Variants in CACNA2D3 observed in about 807,000 individuals in gnomAD.
The protein encoded by CACNA2D3 is voltage-dependent calcium channel subunit alpha-2/delta-3.
In CACNA2D3, 60 loss-of-function variants were observed where a neutral mutation model predicts 160.6. The ratio of observed to expected loss-of-function variants is 0.37; its 90% CI spans 0.30 to 0.46. The LOEUF (loss-of-function observed/expected upper bound fraction) is 0.46, where lower values mean the gene tolerates loss of function less well. Ranked by LOEUF, CACNA2D3 falls within the 20% of genes least tolerant of loss-of-function variation. The pLI is 1.00. For missense variants in CACNA2D3, 1,205 were observed against 1,365.0 expected (o/e 0.88, Z 1.85); for synonymous variants, 558 against 492.9 (o/e 1.13, Z -1.75).
chr3:54,805,754 GA>G (rs1212733001), intron 13 of CACNA2D3, among the ~76,000 whole-genome samples: 1 of 152,134 alleles, frequency 6.6e-6, no homozygotes, highest in Non-Finnish European at 1.5e-5. Flanking sequence ...AACCAAAAAA[GA>G]GAATTTTAGA....
intron 2 of CACNA2D3, among the ~76,000 whole-genome samples, chr3:54,294,937 A>T (rs59804205): frequency 0.22 from 33,376 of 150,014 alleles, 3,839 homozygotes; most frequent in South Asian, 0.34. Context: ...GAGTGAAGCT[A>T]CACCAGATCA....
At chr3:54,869,143 A>G (rs368461907) in intron 17 of CACNA2D3, among the ~76,000 whole-genome samples, 3 of 152,180 alleles carry the variant, frequency 2.0e-5, no homozygotes, top group East Asian at 1.9e-4. Flanking sequence ...ACGAAGGAAC[A>G]TTTGTTGCTC....
rs10591706 is a variant in CACNA2D3 at position 54,330,210 on chromosome 3, A to ATGTG, written c.321+9688_321+9691dup. On this transcript the variant is annotated intron_variant, in intron 3 of 37. Coordinates refer to ENST00000474759, the MANE Select transcript of CACNA2D3 (RefSeq NM_018398.3). The stretch of plus-strand genomic sequence containing the variant: ...TGTTCTTGTATGCTTTTTAATTGAT[A>ATGTG]TGTGTGTGTGTGTGTGTGTGTGTGT... Among the ~76,000 whole-genome samples, 512 of 146,696 alleles carry ATGTG rather than the reference A, an allele frequency of 3.5e-3. 4 individuals carry two copies. The highest frequency in any genetic ancestry group is 0.021 in the Middle Eastern group (6 of 288).
chr3:54,614,366 G>T (rs1237284807), intron 9 of CACNA2D3, among the ~76,000 whole-genome samples: 1 of 152,180 alleles, frequency 6.6e-6, no homozygotes. Context: ...TCATCAAATT[G>T]TTCTAATGCC....
chr3:54,339,347 C>T (rs1036651133), intron 3 of CACNA2D3, among the ~76,000 whole-genome samples: 3 of 152,144 alleles, frequency 2.0e-5, no homozygotes, highest in Admixed American at 6.5e-5. Context: ...ATTCCTTGGC[C>T]CTCTTGCCTA....
chr3:54,837,722 G>GCCCCTTGGCTCGGGGCCCCCAGCCCA (rs1278167447), intron 15 of CACNA2D3, among the ~76,000 whole-genome samples: 1 of 152,134 alleles, frequency 6.6e-6, no homozygotes, highest in Non-Finnish European at 1.5e-5. Flanking sequence ...GGGGCCCCCA[G>GCCCCTTGGCTCGGGGCCCCCAGCCCA]CATTCCTTGG....
intron 13 of CACNA2D3, among the ~76,000 whole-genome samples, chr3:54,770,214 C>A (rs1702294538): frequency 6.6e-6 from 1 of 152,158 alleles, no homozygotes. Flanking sequence ...CCAAAACATT[C>A]TGTTTTTAGT....
chr3:54,532,096 G>A (rs1423181488), intron 5 of CACNA2D3, among the ~76,000 whole-genome samples: 1 of 152,028 alleles, frequency 6.6e-6, no homozygotes, highest in South Asian at 2.1e-4. Context: ...TTCTTTTTTT[G>A]TTTGTATCAA....
chr3:54,965,244 G>A (rs200290599), intron 27 of CACNA2D3, among the ~76,000 whole-genome samples: 2 of 151,580 alleles, frequency 1.3e-5, no homozygotes, highest in Admixed American at 6.6e-5. Flanking sequence ...TCTGGCCTAC[G>A]TACTCTTGAA....
chr3:54,880,953 G>T, intron 21 of CACNA2D3, 90 bp downstream of exon 21: 1 of 1,059,048 alleles, frequency 9.4e-7, no homozygotes, highest in South Asian at 1.3e-5. Context: ...TTGTTCATCT[G>T]TCCGCACCTG....
At chr3:54,854,222 G>A (rs912630100) in intron 17 of CACNA2D3, among the ~76,000 whole-genome samples, 4 of 152,180 alleles carry the variant, frequency 2.6e-5, no homozygotes, top group Admixed American at 1.3e-4. Context: ...CCCACGTAGC[G>A]AGCCTGTTCT....
At chr3:54,832,483 A>G (rs1055056781) in intron 14 of CACNA2D3, among the ~76,000 whole-genome samples, 2 of 152,204 alleles carry the variant, frequency 1.3e-5, no homozygotes, top group Non-Finnish European at 2.9e-5. Context: ...CTACCCCTGC[A>G]TTGTTCCATT....
chr3:54,664,173 G>A (rs142911720), intron 11 of CACNA2D3, among the ~76,000 whole-genome samples: 2 of 152,306 alleles, frequency 1.3e-5, no homozygotes, highest in African/African-American at 4.8e-5. Flanking sequence ...TGCTATCTTG[G>A]ATAGGCTTTT....
At chr3:54,925,982 A>G (rs1303070749) in intron 27 of CACNA2D3, among the ~76,000 whole-genome samples, 4 of 152,306 alleles carry the variant, frequency 2.6e-5, no homozygotes, top group African/African-American at 7.2e-5. Context: ...CCCATTTTCT[A>G]TAATAGTTCT....
rs576714889 is a variant in CACNA2D3 at position 54,841,267 on chromosome 3, A to T, written c.1551+2619A>T. 5.3e-5 allele frequency among the ~76,000 whole-genome samples: 8 copies of T among 152,372 alleles called. No individual in the cohort carries two copies. The East Asian group carries it at 1.5e-3, about 29-fold the overall frequency. On this transcript the variant is annotated intron_variant, in intron 16 of 37. Transcript: ENST00000474759. ...TCATTTTTACTTAAGGATGCTTGAAATAACTTTCTCAACATCATTCTGCTA... is the reference window on the plus strand; with the variant it reads ...TCATTTTTACTTAAGGATGCTTGAATTAACTTTCTCAACATCATTCTGCTA...
intron 9 of CACNA2D3, among the ~76,000 whole-genome samples, chr3:54,586,570 A>G (rs549224912): frequency 7.9e-5 from 12 of 152,204 alleles, no homozygotes; most frequent in Non-Finnish European, 1.6e-4. Flanking sequence ...CAGATTTACA[A>G]TTATAGTTGG....
At chr3:54,125,934 T>A (rs1680971805) in intron 2 of CACNA2D3, among the ~76,000 whole-genome samples, 1 of 152,226 alleles carries the variant, frequency 6.6e-6, no homozygotes, top group African/African-American at 2.4e-5. Context: ...TATCACTGTG[T>A]CCTTAACAAT....
chr3:54,665,960 C>T (rs553767242), intron 11 of CACNA2D3, among the ~76,000 whole-genome samples: 13 of 152,034 alleles, frequency 8.6e-5, no homozygotes, highest in African/African-American at 2.9e-4. Context: ...TGCCACCATG[C>T]CCAGCTAATT....
Position 54,123,346 on chromosome 3 carries a change from T to C in CACNA2D3, c.123-167T>C, listed in dbSNP as rs1183581144. ...CCTCCCGCGCTGCGCTTTGCAGTTT[T>C]GGTGCTGGCAGTTTCTACCAAGCCG... On this transcript the variant is annotated intron_variant, in intron 1 of 37. Coordinates refer to ENST00000474759, the MANE Select transcript of CACNA2D3 (RefSeq NM_018398.3). The C allele has an allele frequency of 1.1e-5, 7 of 615,178 alleles. No homozygotes were observed. In the East Asian group the frequency reaches 1.7e-4, roughly 15 times the overall value. 38.1% of individuals were successfully genotyped at this position (615,178 alleles called of 1,614,324 possible). A position where few individuals can be genotyped will look rare whatever the true frequency, so the allele number is the denominator to read the frequency against.
Sources: gnomAD v4.1 joint callset for allele counts (sites outside exome capture counted in the v4.1 genomes callset) on GRCh38, gnomAD v4.1.1 for gene constraint, MANE v1.5 for transcripts, NCBI Gene and HGNC (gene_info 2026-07-23, HGNC 2026-07-21) for gene names.